Variants in SWT1 observed in about 807,000 individuals in gnomAD.
The protein encoded by SWT1 is transcriptional protein SWT1.
A neutral mutation model predicts 107.3 loss-of-function variants in SWT1; 33 were observed. The observed-to-expected ratio is 0.31, with a 90% CI of 0.23 to 0.41. The LOEUF is 0.41. Among genes scored for constraint, SWT1 ranks in the 10% least tolerant of loss-of-function variants. The pLI, the probability that SWT1 is intolerant of heterozygous loss-of-function variation, is 1.00. For missense variants in SWT1, 898 were observed against 1,028.9 expected (o/e 0.87, Z 1.74); for synonymous variants, 345 against 348.3 (o/e 0.99, Z 0.11).
At chr1:185,171,850 G>A (rs1425549275) in intron 4 of SWT1, 2 of 330,774 alleles carry the variant, frequency 6.0e-6, no homozygotes, top group Non-Finnish European at 1.2e-5. Context: ...TAAGTAGCTG[G>A]GACTACAGGC....
intron 4 of SWT1, chr1:185,171,533 C>G (rs1380649136): frequency 2.7e-6 from 1 of 376,522 alleles, no homozygotes; most frequent in Non-Finnish European, 5.2e-6. Flanking sequence ...TGATCACAAC[C>G]CCTCCAATGA....
chr1:185,223,762 A>G (rs765187088), intron 15 of SWT1, among the ~76,000 whole-genome samples: 72 of 152,066 alleles, frequency 4.7e-4, no homozygotes, highest in Non-Finnish European at 9.1e-4. Context: ...TAGGCCTAGT[A>G]CCCATTAATT....
chr1:185,286,744 A>C (rs1664971525), intron 18 of SWT1, among the ~76,000 whole-genome samples: 1 of 152,142 alleles, frequency 6.6e-6, no homozygotes. Context: ...ACAAATAGAA[A>C]TTATTCTGTT....
intron 10 of SWT1, among the ~76,000 whole-genome samples, chr1:185,194,505 T>C (rs1259245872): frequency 2.0e-5 from 3 of 152,094 alleles, no homozygotes; most frequent in East Asian, 3.8e-4. Context: ...TCAAATATTA[T>C]ACTGCTTCAC....
At chr1:185,265,030 C>T (rs1663273886) in intron 16 of SWT1, among the ~76,000 whole-genome samples, 1 of 152,068 alleles carries the variant, frequency 6.6e-6, no homozygotes, top group Non-Finnish European at 1.5e-5. Flanking sequence ...ATAAACTCTT[C>T]CTATTCCCAC....
intron 18 of SWT1, among the ~76,000 whole-genome samples, chr1:185,279,397 A>T (rs1664472937): frequency 6.6e-6 from 1 of 152,164 alleles, no homozygotes; most frequent in Admixed American, 6.6e-5. Context: ...TCATAGTTAA[A>T]GTAGTTGTAC....
chr1:185,181,193 G>A (rs1171716118), intron 6 of SWT1, among the ~76,000 whole-genome samples: 1 of 152,156 alleles, frequency 6.6e-6, no homozygotes. Context: ...ACTGGAGCCC[G>A]GGAGATGGAG....
In SWT1 at chr1:185,168,339, G is replaced by A. The variant is rs764634526; in HGVS notation, c.166-1G>A. On this transcript the variant is annotated splice_acceptor_variant, in intron 3 of 18. Transcript: ENST00000367500. LOFTEE classifies it high-confidence loss of function. ...ATGTGTCCTTTTTTTATTTATTTCA[G>A]AAATCAGATCATACAGATGTTCTGT... 1 of 940,918 alleles carries A rather than the reference G, an allele frequency of 1.1e-6. No homozygotes were observed. The highest frequency in any genetic ancestry group is 1.4e-6 in the Non-Finnish European group (1 of 718,908). The allele number at this position is 940,918 out of a possible 1,614,324, so 58.3% of individuals were successfully genotyped here.
At chr1:185,231,483 ATAC>A (rs1235074239) in intron 15 of SWT1, 91 bp from the exon 16 acceptor site, 2 of 883,972 alleles carry the variant, frequency 2.3e-6, no homozygotes, top group Admixed American at 4.5e-5. Flanking sequence ...GTGATAATAA[ATAC>A]TACTTTACTT....
chr1:185,245,827 G>C (rs1233625211), intron 16 of SWT1, among the ~76,000 whole-genome samples: 1 of 151,946 alleles, frequency 6.6e-6, no homozygotes, highest in African/African-American at 2.4e-5. Context: ...GGAGCACAGT[G>C]GTGTGATCTC....
intron 16 of SWT1, among the ~76,000 whole-genome samples, chr1:185,250,322 T>C (rs957516777): frequency 6.6e-6 from 1 of 152,198 alleles, no homozygotes; most frequent in African/African-American, 2.4e-5. Context: ...TTTGTGTATC[T>C]GAATGATTCT....
At chr1:185,269,862 T>G (rs1663723486) in intron 16 of SWT1, among the ~76,000 whole-genome samples, 1 of 152,170 alleles carries the variant, frequency 6.6e-6, no homozygotes, top group African/African-American at 2.4e-5. Flanking sequence ...GGGGTTAGGG[T>G]TATCTTCTGA....
chr1:185,163,588 G>T (rs1654340079), intron 2 of SWT1, among the ~76,000 whole-genome samples: 2 of 152,092 alleles, frequency 1.3e-5, no homozygotes, highest in Admixed American at 6.5e-5. Flanking sequence ...TAGAGATGGG[G>T]TTTCACTGTG....
At chr1:185,238,861 AT>A (rs1374268263) in intron 16 of SWT1, among the ~76,000 whole-genome samples, 1 of 152,014 alleles carries the variant, frequency 6.6e-6, no homozygotes, top group East Asian at 1.9e-4. Flanking sequence ...CAGTTTAAAA[AT>A]TTTTTTGCTA....
At chr1:185,274,069 T>A (rs181942867) in intron 17 of SWT1, among the ~76,000 whole-genome samples, 67 of 152,206 alleles carry the variant, frequency 4.4e-4, no homozygotes, top group Middle Eastern at 6.8e-3. Flanking sequence ...TGGGGCATAG[T>A]TCTTTTTAAT....
intron 1 of SWT1, among the ~76,000 whole-genome samples, chr1:185,160,385 A>T (rs112631168): frequency 1.5e-4 from 23 of 152,130 alleles, no homozygotes; most frequent in African/African-American, 5.5e-4. Context: ...ATAATGAGAG[A>T]ATCTTGTCAT....
In SWT1 at chr1:185,271,324, AT is replaced by A; in HGVS notation, c.2447del (p.Leu816TrpfsTer17). On this transcript the variant is annotated frameshift_variant and splice_region_variant, in exon 17 of 19. Transcript: ENST00000367500. LOFTEE classifies it high-confidence loss of function. ...CTTTGTTTTTATTTTATTTTTTAGG[AT>A]TTTGGCCCCAAACAGTAATTATCAA... is the stretch of plus-strand genomic sequence containing the variant. ...VRDILEGIQRILAPNSNYQDV... is the reference protein window; with the variant it reads ...VRDILEGIQRXLAPNSNYQDV... 14 of 1,496,142 alleles carry A rather than the reference AT, an allele frequency of 9.4e-6. No individual in the cohort carries two copies. The highest frequency in any genetic ancestry group is 1.2e-5 in the Non-Finnish European group (13 of 1,074,748). 92.7% of individuals were successfully genotyped at this position (1,496,142 alleles called of 1,614,324 possible).
At chr1:185,234,135 C>G (rs1332213905) in intron 16 of SWT1, among the ~76,000 whole-genome samples, 5 of 152,128 alleles carry the variant, frequency 3.3e-5, no homozygotes, top group Admixed American at 3.3e-4. Flanking sequence ...TTAGGTCTGC[C>G]TGGTCCAGAG....
At chr1:185,248,654 A>T (rs1000716103) in intron 16 of SWT1, among the ~76,000 whole-genome samples, 1 of 151,938 alleles carries the variant, frequency 6.6e-6, no homozygotes, top group South Asian at 2.1e-4. Context: ...ATCAATGGAG[A>T]TACTAATCTC....
Sources: gnomAD v4.1 joint callset for allele counts (sites outside exome capture counted in the v4.1 genomes callset) on GRCh38, gnomAD v4.1.1 for gene constraint, MANE v1.5 for transcripts, NCBI Gene and HGNC (gene_info 2026-07-23, HGNC 2026-07-21) for gene names.